The following DZIP3 variants were observed in gnomAD, a reference collection of about 807,000 sequenced individuals.
DZIP3 encodes the protein E3 ubiquitin-protein ligase DZIP3.
DZIP3 carries 118 observed loss-of-function variants against 162.0 expected under a neutral mutation model. The observed-to-expected ratio is 0.73, with a 90% CI of 0.63 to 0.85. The LOEUF (loss-of-function observed/expected upper bound fraction) is 0.85, where lower values mean the gene tolerates loss of function less well. Ranked by LOEUF, DZIP3 falls within the 40% of genes least tolerant of loss-of-function variation. The pLI is 0.00. For synonymous variants in DZIP3, 438 were observed against 458.6 expected (o/e 0.96, Z 0.57); for missense variants, 1,331 against 1,407.0 (o/e 0.95, Z 0.86).
At chr3:108,663,167 T>C (rs1328750829) in intron 21 of DZIP3, among the ~76,000 whole-genome samples, 1 of 152,188 alleles carries the variant, frequency 6.6e-6, no homozygotes, top group African/African-American at 2.4e-5. Context: ...ATTGTCAGAC[T>C]TACCCTGACT....
intron 21 of DZIP3, among the ~76,000 whole-genome samples, chr3:108,662,695 T>G (rs1369538721): frequency 6.6e-6 from 1 of 152,198 alleles, no homozygotes; most frequent in African/African-American, 2.4e-5. Context: ...TTTTGTTTGT[T>G]TGTTTGACTG....
At chr3:108,598,529 T>C (rs1453644592) in intron 1 of DZIP3, among the ~76,000 whole-genome samples, 2 of 152,130 alleles carry the variant, frequency 1.3e-5, no homozygotes, top group Non-Finnish European at 2.9e-5. Context: ...ACCTACACGC[T>C]TCTTACAAAT....
At chr3:108,597,388 A>C (rs1939767070) in intron 1 of DZIP3, among the ~76,000 whole-genome samples, 1 of 151,944 alleles carries the variant, frequency 6.6e-6, no homozygotes, top group African/African-American at 2.4e-5. Flanking sequence ...CAGAATAAGA[A>C]TGTTGCCTTG....
intron 9 of DZIP3, among the ~76,000 whole-genome samples, chr3:108,633,300 T>C (rs576584983): frequency 6.6e-6 from 1 of 152,068 alleles, no homozygotes; most frequent in East Asian, 1.9e-4. Context: ...TTGGTTTCAC[T>C]AAGGTTTTTG....
At chr3:108,688,474 AC>A in intron 29 of DZIP3, 118 bp from the exon 30 acceptor site, 1 of 1,174,460 alleles carries the variant, frequency 8.5e-7, no homozygotes, top group Non-Finnish European at 1.2e-6. Context: ...AAGATTTCTC[AC>A]AAATCTGATT....
chr3:108,683,078 T>C (rs1182171839), intron 26 of DZIP3, among the ~76,000 whole-genome samples: 2 of 150,658 alleles, frequency 1.3e-5, no homozygotes, highest in African/African-American at 5.0e-5. Context: ...ATCAATATAT[T>C]GTCAGCCTTG....
intron 27 of DZIP3, among the ~76,000 whole-genome samples, chr3:108,685,738 G>A (rs1057167478): frequency 9.9e-5 from 15 of 151,986 alleles, no homozygotes; most frequent in African/African-American, 2.9e-4. Context: ...TTACTTTCTC[G>A]TTATAAAGGT....
At chr3:108,645,070 G>A (rs1340674888) in intron 14 of DZIP3, among the ~76,000 whole-genome samples, 1 of 152,068 alleles carries the variant, frequency 6.6e-6, no homozygotes, top group Non-Finnish European at 1.5e-5. Flanking sequence ...ATGTTTCAGA[G>A]GGAAACAAAA....
intron 1 of DZIP3, among the ~76,000 whole-genome samples, chr3:108,599,787 A>G (rs969485010): frequency 2.6e-5 from 4 of 152,192 alleles, no homozygotes. Context: ...CTACCATGTG[A>G]GGATACAACC....
At chr3:108,601,018 A>T (rs936471913) in intron 1 of DZIP3, among the ~76,000 whole-genome samples, 1 of 152,108 alleles carries the variant, frequency 6.6e-6, no homozygotes, top group Non-Finnish European at 1.5e-5. Context: ...TGCATACTTT[A>T]TGTCATTTTG....
chr3:108,672,690 A>T, intron 23 of DZIP3, 34 bp downstream of exon 23: 65 of 1,484,904 alleles, frequency 4.4e-5, no homozygotes, highest in Non-Finnish European at 5.8e-5. Context: ...GTATGGGGTG[A>T]GGGGAAAAGT....
At chr3:108,635,094 T>C in intron 10 of DZIP3, 122 bp downstream of exon 10, 1 of 551,176 alleles carries the variant, frequency 1.8e-6, no homozygotes, top group Non-Finnish European at 3.2e-6. Flanking sequence ...TCCTCCTTTT[T>C]TTCTTTTTCT....
At chr3:108,624,063 T>C (rs921764918) in intron 5 of DZIP3, among the ~76,000 whole-genome samples, 3 of 152,172 alleles carry the variant, frequency 2.0e-5, no homozygotes, top group Non-Finnish European at 2.9e-5. Flanking sequence ...CTTAATATGA[T>C]GTTCAAACCA....
Position 108,690,904 on chromosome 3 carries a change from G to A in DZIP3, c.*6+1G>A. On this transcript the variant is annotated splice_donor_variant, in intron 32 of 32. Coordinates refer to ENST00000361582, the MANE Select transcript of DZIP3 (RefSeq NM_014648.4). LOFTEE classifies it low-confidence loss of function (3UTR_SPLICE). The stretch of plus-strand genomic sequence containing the variant: ...GCAGTTGCCCAAGATCTGATACAAG[G>A]TCGGGGTGTCTATGCAAAGGAAGCT... The A allele has an allele frequency of 1.2e-6, 2 of 1,613,616 alleles. No individual in the cohort carries two copies. Among genetic ancestry groups the A allele is most frequent in the Non-Finnish European group, 8.5e-7 (1 of 1,179,562 alleles).
chr3:108,690,937 C>T (rs778075631), intron 32 of DZIP3, 34 bp downstream of exon 32: 8 of 1,574,572 alleles, frequency 5.1e-6, no homozygotes, highest in Non-Finnish European at 6.1e-6. Flanking sequence ...GCTCAGTTTT[C>T]TTTTATTATG....
intron 21 of DZIP3, among the ~76,000 whole-genome samples, chr3:108,666,336 G>A (rs1943674202): frequency 6.6e-6 from 1 of 152,022 alleles, no homozygotes; most frequent in Non-Finnish European, 1.5e-5. Context: ...AATGATGAAA[G>A]GATCAATCCA....
At chr3:108,627,941 C>T (rs1050360067) in intron 7 of DZIP3, among the ~76,000 whole-genome samples, 2 of 152,008 alleles carry the variant, frequency 1.3e-5, no homozygotes, top group Non-Finnish European at 2.9e-5. Context: ...TGCTGTGGCG[C>T]GATCTCGGCT....
At position 108,644,360 on chromosome 3, in the gene DZIP3, T is replaced by C. The variant is rs759968984; in HGVS notation, c.1338T>C (p.Gly446=). Residue 446 remains glycine, a synonymous_variant, in exon 14 of 33, where the codon GGT becomes GGC. Coordinates refer to ENST00000361582, the MANE Select transcript of DZIP3 (RefSeq NM_014648.4). ...YNHLWTNHPL[G]GSWHLLYPPN... ...ATCTTTGGACCAATCATCCTTTGGG[T>C]GGATCATGGCATCTGCTTTATCCTC... is the stretch of plus-strand genomic sequence containing the variant. The C allele has an allele frequency of 6.2e-7, 1 of 1,614,104 alleles. No homozygotes were observed.
chr3:108,637,459 C>A (rs1481299339), intron 11 of DZIP3, 37 bp from the exon 12 acceptor site: 5 of 1,582,448 alleles, frequency 3.2e-6, no homozygotes, highest in Non-Finnish European at 4.3e-6. Flanking sequence ...GAAAATTGAA[C>A]TACTTTAGGG....
Sources: allele counts gnomAD v4.1 joint callset (sites outside exome capture counted in the v4.1 genomes callset), GRCh38; gene constraint gnomAD v4.1.1; transcripts MANE v1.5; gene names NCBI Gene and HGNC (gene_info 2026-07-23, HGNC 2026-07-21).